Variants in ADAMTS14 observed in about 807,000 individuals in gnomAD.
ADAMTS14 encodes ADAM metallopeptidase with thrombospondin type 1 motif 14, also known as A disintegrin and metalloproteinase with thrombospondin motifs 14.
In ADAMTS14, 100 loss-of-function variants were observed where a neutral mutation model predicts 128.6. The observed-to-expected ratio is 0.78, with a 90% CI of 0.66 to 0.92. The LOEUF is 0.92. Among genes scored for constraint, ADAMTS14 ranks in the 40% least tolerant of loss-of-function variants. The probability of loss-of-function intolerance (pLI) is 0.00; values close to 1 mark genes in which losing one functional copy is unlikely to be tolerated. For missense variants in ADAMTS14, 1,562 were observed against 1,658.6 expected (o/e 0.94, Z 1.01); for synonymous variants, 665 against 653.8 (o/e 1.02, Z -0.26).
intron 4 of ADAMTS14, among the ~76,000 whole-genome samples, chr10:70,711,267 C>T (rs556488044): frequency 6.6e-6 from 1 of 152,330 alleles, no homozygotes; most frequent in South Asian, 2.1e-4. Flanking sequence ...GACTCCTATC[C>T]CCATCCATGG....
Position 70,754,019 on chromosome 10 carries a change from T to C in ADAMTS14, c.2937+12T>C, listed in dbSNP as rs1050130547. 6.5e-7 allele frequency: 1 copy of C among 1,535,908 alleles called. No homozygotes were observed. The highest frequency in any genetic ancestry group is 8.8e-7 in the Non-Finnish European group (1 of 1,141,192). On this transcript the variant is annotated intron_variant, in intron 19 of 21. Coordinates refer to ENST00000373207, the MANE Select transcript of ADAMTS14 (RefSeq NM_080722.4). ...GAGCCTGGTCCCAGGTGACTTGTCCTCAGGAGGTGGGAGGGGCTTGGGGAG... is the reference window on the plus strand; with the variant it reads ...GAGCCTGGTCCCAGGTGACTTGTCCCCAGGAGGTGGGAGGGGCTTGGGGAG...
chr10:70,682,950 G>A (rs1489236628), intron 2 of ADAMTS14, among the ~76,000 whole-genome samples: 1 of 152,246 alleles, frequency 6.6e-6, no homozygotes, highest in Non-Finnish European at 1.5e-5. Flanking sequence ...CCGGACAACC[G>A]TCTGGGTGAG....
chr10:70,687,039 G>A (rs1407088109), intron 2 of ADAMTS14, among the ~76,000 whole-genome samples: 7 of 121,326 alleles, frequency 5.8e-5, no homozygotes, highest in Admixed American at 3.8e-4. Flanking sequence ...CGGACGGGGC[G>A]GCTGGCCGGG....
At chr10:70,743,992 G>A (rs1842090027) in intron 13 of ADAMTS14, 74 bp from the exon 14 acceptor site, 10 of 1,520,780 alleles carry the variant, frequency 6.6e-6, no homozygotes, top group Non-Finnish European at 8.9e-6. Flanking sequence ...AGGGCCTGGG[G>A]ATGGGAATGG....
intron 4 of ADAMTS14, among the ~76,000 whole-genome samples, chr10:70,718,075 T>G (rs1300902413): frequency 6.6e-6 from 1 of 152,206 alleles, no homozygotes; most frequent in East Asian, 1.9e-4. Flanking sequence ...AAGGGTGGCA[T>G]TTTGTTTGTT....
At chr10:70,700,035 G>C (rs1013974769) in intron 2 of ADAMTS14, among the ~76,000 whole-genome samples, 3 of 152,056 alleles carry the variant, frequency 2.0e-5, no homozygotes, top group Admixed American at 6.5e-5. Context: ...CAGAAAGCGG[G>C]ATGGGATAAA....
At chr10:70,702,556 C>A in intron 3 of ADAMTS14, 88 bp downstream of exon 3, 1 of 1,480,520 alleles carries the variant, frequency 6.8e-7, no homozygotes, top group Non-Finnish European at 9.0e-7. Context: ...CTGTCCATGT[C>A]TGGCCTCAGT....
chr10:70,691,965 C>T (rs905392508), intron 2 of ADAMTS14, among the ~76,000 whole-genome samples: 1 of 152,124 alleles, frequency 6.6e-6, no homozygotes, highest in Non-Finnish European at 1.5e-5. Context: ...CTTTTCGTGC[C>T]ATTCTAAATG....
At chr10:70,723,589 G>A (rs1442882198) in intron 4 of ADAMTS14, among the ~76,000 whole-genome samples, 1 of 152,226 alleles carries the variant, frequency 6.6e-6, no homozygotes, top group African/African-American at 2.4e-5. Flanking sequence ...CGAGGATTCA[G>A]TGAAGCAATG....
chr10:70,699,781 C>T (rs945247522), intron 2 of ADAMTS14, among the ~76,000 whole-genome samples: 4 of 152,174 alleles, frequency 2.6e-5, no homozygotes, highest in Admixed American at 6.5e-5. Context: ...GGGGGAGGGC[C>T]TTGACCAGGT....
intron 2 of ADAMTS14, among the ~76,000 whole-genome samples, chr10:70,675,329 CTG>C (rs929876814): frequency 3.3e-5 from 5 of 152,168 alleles, no homozygotes; most frequent in African/African-American, 9.7e-5. Flanking sequence ...GTTAACCTCT[CTG>C]TGGTTCTTTC....
chr10:70,729,358 T>A lies in ADAMTS14; in HGVS notation c.935T>A (p.Ile312Asn). ...ATAAATATTGCCCTCGTCCGCTTGATCATGGTTGGCTACCGACAGGTAAAC... is the reference window on the plus strand; with the variant it reads ...ATAAATATTGCCCTCGTCCGCTTGAACATGGTTGGCTACCGACAGGTAAAC... ...VHINIALVRLIMVGYRQSLSL... is the reference protein window; with the variant it reads ...VHINIALVRLNMVGYRQSLSL... Residue 312 changes from isoleucine (I) to asparagine (N), a missense_variant, in exon 5 of 22, where the codon ATC becomes AAC. Physicochemically the swap from Ile to Asn is moderately radical, Grantham distance 149. Transcript: ENST00000373207. 6.2e-7 allele frequency: 1 copy of A among 1,613,918 alleles called. No homozygotes were observed. The highest frequency in any genetic ancestry group is 8.5e-7 in the Non-Finnish European group (1 of 1,179,968).
At position 70,708,604 on chromosome 10, in the gene ADAMTS14, C is replaced by T. The variant is rs918741330; in HGVS notation, c.696C>T (p.Asp232=). The part of the protein sequence containing the change: ...DLHNEAFGLG[D]LPNLLGLVGD... ...TGGTTCCAGCCTTTGGCCTGGGAGA[C>T]CTTCCCAACCTGCTGGGCCTGGTGG... is the stretch of plus-strand genomic sequence containing the variant. The change falls in exon 4 of 22, where the codon GAC becomes GAT. Residue 232 remains aspartate, a synonymous_variant. Coordinates refer to ENST00000373207, the MANE Select transcript of ADAMTS14 (RefSeq NM_080722.4). 2 of 1,605,838 alleles carry T rather than the reference C, an allele frequency of 1.2e-6. No individual in the cohort carries two copies. Among genetic ancestry groups the T allele is most frequent in the South Asian group, 1.1e-5 (1 of 90,704 alleles).
chr10:70,702,385 C>A lies in ADAMTS14; in HGVS notation c.596C>A (p.Ala199Asp), dbSNP rs1205242029. The change falls in exon 3 of 22, where the codon GCC (alanine) becomes GAC (aspartate). Residue 199 changes from alanine (A) to aspartate (D), a missense_variant. By Grantham distance (126) the Ala-to-Asp change is moderately radical. Coordinates refer to ENST00000373207, the MANE Select transcript of ADAMTS14 (RefSeq NM_080722.4). ...PLERGQQEKEASGRTHVVYRR... is the reference protein window; with the variant it reads ...PLERGQQEKEDSGRTHVVYRR... ...GAGCGGGGCCAGCAGGAGAAGGAGG[C>A]CAGCGGGAGGACACATGTGGTGTAC... 1 of 1,614,156 alleles carries A rather than the reference C, an allele frequency of 6.2e-7. No homozygotes were observed. The highest frequency in any genetic ancestry group is 1.1e-5 in the South Asian group (1 of 91,066).
chr10:70,745,115 T>C, intron 14 of ADAMTS14, 111 bp from the exon 15 acceptor site: 1 of 952,000 alleles, frequency 1.1e-6, no homozygotes, highest in Non-Finnish European at 1.6e-6. Context: ...TCAGAGAGGT[T>C]CTGTGATCAA....
chr10:70,675,081 G>T (rs1032561028), intron 2 of ADAMTS14, 86 bp downstream of exon 2: 7 of 1,497,528 alleles, frequency 4.7e-6, no homozygotes, highest in African/African-American at 1.4e-5. Flanking sequence ...GGCATGTTTT[G>T]CAGTCTGGGC....
chr10:70,700,175 C>G (rs371900897), intron 2 of ADAMTS14, among the ~76,000 whole-genome samples: 1 of 151,974 alleles, frequency 6.6e-6, no homozygotes, highest in African/African-American at 2.4e-5. Flanking sequence ...GTTCTGCAGG[C>G]GTACAGTGGC....
chr10:70,729,371 C>T lies in ADAMTS14; in HGVS notation c.948C>T (p.Tyr316=), dbSNP rs1841552332. 1 of 1,613,530 alleles carries T rather than the reference C, an allele frequency of 6.2e-7. No homozygotes were observed. Among genetic ancestry groups the T allele is most frequent in the African/African-American group, 1.3e-5 (1 of 74,848 alleles). ...TCGTCCGCTTGATCATGGTTGGCTACCGACAGGTAAACCACCTTGTCAGCA... is the reference window on the plus strand; with the variant it reads ...TCGTCCGCTTGATCATGGTTGGCTATCGACAGGTAAACCACCTTGTCAGCA... ...IALVRLIMVG[Y]RQSLSLIERG... The change falls in exon 5 of 22, where the codon TAC becomes TAT. Residue 316 remains tyrosine, a synonymous_variant. Coordinates refer to ENST00000373207, the MANE Select transcript of ADAMTS14 (RefSeq NM_080722.4).
chr10:70,694,864 T>C (rs530155383), intron 2 of ADAMTS14, among the ~76,000 whole-genome samples: 5 of 152,376 alleles, frequency 3.3e-5, no homozygotes, highest in South Asian at 4.1e-4. Context: ...CGTGGACATA[T>C]GTTTTCTTTC....
Sources: allele counts gnomAD v4.1 joint callset (sites outside exome capture counted in the v4.1 genomes callset), GRCh38; gene constraint gnomAD v4.1.1; transcripts MANE v1.5; gene names NCBI Gene and HGNC (gene_info 2026-07-23, HGNC 2026-07-21).